Variants in SETD1B observed in about 807,000 individuals in gnomAD.
SETD1B encodes the protein SET domain containing 1B, histone lysine methyltransferase.
A neutral mutation model predicts 148.0 loss-of-function variants in SETD1B; 7 were observed. The observed-to-expected ratio is 0.05, with a 90% confidence interval of 0.03 to 0.09. SETD1B has a LOEUF of 0.09. SETD1B is among the 10% of genes least tolerant of loss of function. The pLI is 1.00. For missense variants in SETD1B, 2,155 were observed against 2,729.9 expected (o/e 0.79, Z 4.69); for synonymous variants, 1,361 against 1,186.5 (o/e 1.15, Z -3.02).
chr12:121,812,484 A>G (rs1395668338), intron 6 of SETD1B, among the ~76,000 whole-genome samples: 1 of 152,084 alleles, frequency 6.6e-6, no homozygotes, highest in Non-Finnish European at 1.5e-5. Context: ...CGGCACCGCC[A>G]GGCCTGCTGG....
chr12:121,825,472 A>T, intron 13 of SETD1B, 106 bp downstream of exon 13: 32 of 654,390 alleles, frequency 4.9e-5, no homozygotes, highest in Middle Eastern at 5.5e-4. Flanking sequence ...GTGAGGCCAG[A>T]GGGGCTGGCA....
Position 121,814,283 on chromosome 12 carries a change from C to A in SETD1B, c.2068C>A (p.Leu690Met). The A allele has an allele frequency of 7.4e-7, 1 of 1,350,588 alleles. No homozygotes were observed. The highest frequency in any genetic ancestry group is 9.9e-7 in the Non-Finnish European group (1 of 1,007,444). 83.7% of individuals were successfully genotyped at this position (1,350,588 alleles called of 1,614,324 possible). The change falls in exon 7 of 17, where the codon CTG (leucine) becomes ATG (methionine). Residue 690 changes from leucine (L) to methionine (M), a missense_variant. Around this residue, in one of 11 missense-constraint regions of SETD1B, gnomAD observed 295 missense variants for 303.8 expected, o/e 0.97. Coordinates refer to ENST00000604567, the MANE Select transcript of SETD1B (RefSeq NM_001353345.2). Reference protein sequence around the residue: ...PLPPPPGFPPLPPPPPPPPPQ... With the variant: ...PLPPPPGFPPMPPPPPPPPPQ... Reference sequence around the variant, plus strand: ...GCCCCCGCCACCTGGCTTCCCCCCGCTGCCCCCCCCACCACCACCACCCCC... The same window carrying A: ...GCCCCCGCCACCTGGCTTCCCCCCGATGCCCCCCCCACCACCACCACCCCC...
Position 121,827,839 on chromosome 12 carries a change from C to A in SETD1B, c.5574C>A (p.Gly1858=). ...AADEMVIEYV[G]QNIRQVIADM... Reference sequence around the variant, plus strand: ...ACGAGATGGTCATCGAGTACGTGGGCCAGAATATCCGTCAGGTAGGCACCG... The same window carrying A: ...ACGAGATGGTCATCGAGTACGTGGGACAGAATATCCGTCAGGTAGGCACCG... The change falls in exon 15 of 17, where the codon GGC becomes GGA. Residue 1858 remains glycine (G), a synonymous_variant. Coordinates refer to ENST00000604567, the MANE Select transcript of SETD1B (RefSeq NM_001353345.2). The A allele has an allele frequency of 6.4e-7, 1 of 1,559,844 alleles. No homozygotes were observed. The highest frequency in any genetic ancestry group is 8.7e-7 in the Non-Finnish European group (1 of 1,151,136).
chr12:121,813,228 T>C (rs1043824673), intron 6 of SETD1B, among the ~76,000 whole-genome samples: 8 of 152,200 alleles, frequency 5.3e-5, no homozygotes, highest in African/African-American at 1.9e-4. Flanking sequence ...GGATAAAAAA[T>C]GAGGCAGCCG....
Position 121,830,456 on chromosome 12 carries a change from T to A in SETD1B, c.*217T>A. 1 of 488,242 alleles carries A rather than the reference T, an allele frequency of 2.0e-6. No homozygotes were observed. Among genetic ancestry groups the A allele is most frequent in the Admixed American group, 3.6e-5 (1 of 27,926 alleles). The allele number at this position is 488,242 out of a possible 1,614,324, so 30.2% of individuals were successfully genotyped here. On this transcript the variant is annotated 3_prime_UTR_variant, in exon 17 of 17. Coordinates refer to ENST00000604567, the MANE Select transcript of SETD1B (RefSeq NM_001353345.2). The surrounding 1 kb of genome is among the most constrained non-coding windows in gnomAD (Gnocchi z 5.7). ...GCTTCTCTGTCGTTCAGCCCACGTC[T>A]CTCTCATTTTAACAAACGCCCCTTT...
Position 121,817,299 on chromosome 12 carries a change from G to C in SETD1B, c.2977+5G>C, listed in dbSNP as rs974474784. On this transcript the variant is annotated splice_donor_5th_base_variant and intron_variant, in intron 8 of 16. Coordinates refer to ENST00000604567, the MANE Select transcript of SETD1B (RefSeq NM_001353345.2). The surrounding 1 kb of genome is among the most constrained non-coding windows in gnomAD (Gnocchi z 8.1). ...CTGTGGATGAGGAAGATGAAGGTTC[G>C]TGCTCTGGGTGCTGGGGTCCCCTTC... 1 of 1,548,396 alleles carries C rather than the reference G, an allele frequency of 6.5e-7. No homozygotes were observed. The highest frequency in any genetic ancestry group is 8.7e-7 in the Non-Finnish European group (1 of 1,145,458).
At chr12:121,824,979 CA>C (rs780514725) in intron 12 of SETD1B, among the ~76,000 whole-genome samples, 2,268 of 57,182 alleles carry the variant, frequency 0.04, 36 homozygotes, top group African/African-American at 0.11. Context: ...GACCCTGTCT[CA>C]AAAAAAAAAA....
chr12:121,810,797 G>T lies in SETD1B; in HGVS notation c.1852G>T (p.Val618Phe), dbSNP rs769297788. Residue 618 changes from valine (V) to phenylalanine (F), a missense_variant, in exon 6 of 17, where the codon GTT becomes TTT. Around this residue, in one of 11 missense-constraint regions of SETD1B, gnomAD observed 295 missense variants for 303.8 expected, o/e 0.97. Coordinates refer to ENST00000604567, the MANE Select transcript of SETD1B (RefSeq NM_001353345.2). The surrounding 1 kb of genome is among the most constrained non-coding windows in gnomAD (Gnocchi z 7.6). ...SQTAEVALDL[V>F]GDRTPTSEKM... ...GACAGCTGAGGTGGCCTTGGACCTG[G>T]TTGGAGACAGAACCCCGACCTCAGA... The T allele has an allele frequency of 1.3e-6, 2 of 1,531,724 alleles. No individual in the cohort carries two copies. Among genetic ancestry groups the T allele is most frequent in the South Asian group, 2.4e-5 (2 of 82,834 alleles). 94.9% of individuals were successfully genotyped at this position (1,531,724 alleles called of 1,614,324 possible). A position where few individuals can be genotyped will look rare whatever the true frequency, so the allele number is the denominator to read the frequency against.
rs541488048 is a variant in SETD1B, at chr12:121,816,994, G to T, written c.2716-39G>T. On this transcript the variant is annotated intron_variant, in intron 7 of 16. Coordinates refer to ENST00000604567, the MANE Select transcript of SETD1B (RefSeq NM_001353345.2). Reference sequence around the variant, plus strand: ...AGGGCTCCCTGCAAGGGTTGGTGGTGCCAGAAGCGGTGACGGTCCCCTCCT... The same window carrying T: ...AGGGCTCCCTGCAAGGGTTGGTGGTTCCAGAAGCGGTGACGGTCCCCTCCT... 27 of 1,463,350 alleles carry T rather than the reference G, an allele frequency of 1.8e-5. No homozygotes were observed. In the African/African-American group the frequency reaches 3.1e-4, roughly 17 times the overall value. 90.6% of individuals were successfully genotyped at this position (1,463,350 alleles called of 1,614,324 possible).
chr12:121,827,874 A>T lies in SETD1B; in HGVS notation c.5589+20A>T. 6.4e-7 allele frequency: 1 copy of T among 1,553,874 alleles called. No individual in the cohort carries two copies. Among genetic ancestry groups the T allele is most frequent in the East Asian group, 2.4e-5 (1 of 41,120 alleles). ...CGTCAGGTAGGCACCGCCCGGCAGG[A>T]TGGGCACCGGGGTGGGCATGGGGCC... On this transcript the variant is annotated intron_variant, in intron 15 of 16. Coordinates refer to ENST00000604567, the MANE Select transcript of SETD1B (RefSeq NM_001353345.2).
In SETD1B at chr12:121,828,502, T is replaced by C. The variant is rs556351501; in HGVS notation, c.5727+432T>C. On this transcript the variant is annotated intron_variant, in intron 16 of 16. Coordinates refer to ENST00000604567, the MANE Select transcript of SETD1B (RefSeq NM_001353345.2). ...TAGCCACATGTGTGGTGGTGAGCAC[T>C]GGAAATGTGCCCAGTGCATCTGGGG... Among the ~76,000 whole-genome samples the C allele has an allele frequency of 6.6e-5, 10 of 152,358 alleles. 1 individual carries two copies. In the South Asian group the frequency reaches 1.7e-3, roughly 25 times the overall value.
the SETD1B span, among the ~76,000 whole-genome samples, chr12:121,791,778 G>A: frequency 6.6e-6 from 1 of 152,204 alleles, no homozygotes; most frequent in Non-Finnish European, 1.5e-5. Context: ...TGGCAGAGGA[G>A]GAGGAAAGAA....
At chr12:121,793,195 G>C in the SETD1B span, 5 of 1,550,874 alleles carry the variant, frequency 3.2e-6, no homozygotes, top group Non-Finnish European at 4.4e-6. Context: ...TGCTGCCAAC[G>C]GTCACGCTGG....
chr12:121,799,717 T>TGGGGGGGGGGGGGGGGGG (rs1456064145), upstream of SETD1B: 70 of 19,122 alleles, frequency 3.7e-3, 5 homozygotes, highest in Admixed American at 5.9e-3. Context: ...CGCTCGCAGC[T>TGGGGGGGGGGGGGGGGGG]GGGGGGGGGG....
rs761224389 is a variant in SETD1B, at chr12:121,810,625, C to T, written c.1680C>T (p.Pro560=). The T allele has an allele frequency of 3.3e-5, 51 of 1,548,274 alleles. No homozygotes were observed. The highest frequency in any genetic ancestry group is 9.8e-5 in the Admixed American group (5 of 50,956). Residue 560 remains proline, a synonymous_variant, in exon 6 of 17, where the codon CCC becomes CCT. Transcript: ENST00000604567. This position sits in a 1 kb window ranked among gnomAD's most constrained non-coding sequence, Gnocchi z 7.6. Reference sequence around the variant, plus strand: ...CAGGCTTCCGGGGCCCCACGCCCCCCTCGTCACGCCCCTCCAGCACCGGCC... The same window carrying T: ...CAGGCTTCCGGGGCCCCACGCCCCCTTCGTCACGCCCCTCCAGCACCGGCC... ...SQPGFRGPTP[P]SSRPSSTGLE... is the part of the protein sequence containing the mutation.
At chr12:121,797,463 G>A in the SETD1B span, 43 of 456,542 alleles carry the variant, frequency 9.4e-5, no homozygotes, top group East Asian at 2.6e-3. Flanking sequence ...TGCCCCAAGA[G>A]GTGATGGTGG....
At chr12:121,796,228 A>G in the SETD1B span, 1 of 152,618 alleles carries the variant, frequency 6.6e-6, no homozygotes, top group South Asian at 2.1e-4. Context: ...TCCCCCTTCC[A>G]GTCACCAGGA....
chr12:121,817,916 G>A lies in SETD1B; in HGVS notation c.3418+12G>A. 5 of 1,525,340 alleles carry A rather than the reference G, an allele frequency of 3.3e-6. No individual in the cohort carries two copies. The highest frequency in any genetic ancestry group is 1.7e-4 in the Middle Eastern group (1 of 5,868). The allele number at this position is 1,525,340 out of a possible 1,614,324, so 94.5% of individuals were successfully genotyped here. On this transcript the variant is annotated intron_variant, in intron 10 of 16. Coordinates refer to ENST00000604567, the MANE Select transcript of SETD1B (RefSeq NM_001353345.2). The surrounding 1 kb of genome is among the most constrained non-coding windows in gnomAD (Gnocchi z 8.1). The stretch of plus-strand genomic sequence containing the variant: ...GGACTCGGATGAAGGTGAGCAGGGA[G>A]GCCGTGGCTGCCTGGCCCTCCCGGA...
chr12:121,829,360 CT>C (rs1876987846), intron 16 of SETD1B, among the ~76,000 whole-genome samples: 1 of 152,182 alleles, frequency 6.6e-6, no homozygotes, highest in Non-Finnish European at 1.5e-5. Context: ...CCAAGAGGCC[CT>C]TCCGGGACTG....
Sources: gnomAD v4.1 joint callset for allele counts (sites outside exome capture counted in the v4.1 genomes callset) on GRCh38, gnomAD v4.1.1 for gene constraint, gnomAD v4.1.1 regional missense constraint, Gnocchi (gnomAD v3.1) non-coding constraint, MANE v1.5 for transcripts, NCBI Gene and HGNC (gene_info 2026-07-23, HGNC 2026-07-21) for gene names.